The following ASNS variants were observed in gnomAD, a reference collection of about 807,000 sequenced individuals.
ASNS encodes asparagine synthetase (glutamine-hydrolyzing).
A neutral mutation model predicts 62.6 loss-of-function variants in ASNS; 37 were observed. The observed-to-expected ratio is 0.59, with a 90% CI of 0.45 to 0.78. The LOEUF is 0.78. Among genes scored for constraint, ASNS ranks in the 30% least tolerant of loss-of-function variants. The pLI is 0.00. For missense variants in ASNS, 520 were observed against 682.4 expected (o/e 0.76, Z 2.65); for synonymous variants, 207 against 237.9 (o/e 0.87, Z 1.19).
chr7:97,857,181 T>C (rs1198091632), intron 7 of ASNS, among the ~76,000 whole-genome samples: 1 of 152,152 alleles, frequency 6.6e-6, no homozygotes, highest in East Asian at 1.9e-4. Context: ...AATGCCTAAT[T>C]TTATATCCAG....
chr7:97,874,910 T>C (rs1352690267), upstream of ASNS, among the ~76,000 whole-genome samples: 11 of 152,396 alleles, frequency 7.2e-5, no homozygotes, highest in African/African-American at 2.6e-4. Flanking sequence ...TTTTGACAGT[T>C]CTATTTTCAA....
At chr7:97,903,973 G>A in the ASNS span, among the ~76,000 whole-genome samples, 3 of 152,078 alleles carry the variant, frequency 2.0e-5, no homozygotes, top group Non-Finnish European at 1.5e-5. Context: ...GGGGGGTTCT[G>A]CCACTAGGAT....
At chr7:97,890,959 A>G in the ASNS span, among the ~76,000 whole-genome samples, 318 of 152,352 alleles carry the variant, frequency 2.1e-3, no homozygotes, top group South Asian at 3.9e-3. Flanking sequence ...GGATTCAAAC[A>G]TCACCACTAA....
At chr7:97,858,994 C>G in intron 5 of ASNS, 39 bp from the exon 6 acceptor site, 1 of 1,561,106 alleles carries the variant, frequency 6.4e-7, no homozygotes, top group Admixed American at 1.9e-5. Flanking sequence ...TCCAGAAAAT[C>G]TTGGGCTGGA....
intron 1 of ASNS, chr7:97,870,248 G>A: frequency 1.3e-6 from 1 of 785,728 alleles, no homozygotes; most frequent in Non-Finnish European, 2.0e-6. Flanking sequence ...TGTACACAGA[G>A]GTCCAGATAC....
chr7:97,887,224 C>T, the ASNS span, among the ~76,000 whole-genome samples: 20 of 152,188 alleles, frequency 1.3e-4, no homozygotes, highest in African/African-American at 4.8e-4. Context: ...CGGCCGTGCA[C>T]AATTACATGC....
intron 3 of ASNS, among the ~76,000 whole-genome samples, chr7:97,865,536 T>C (rs1309737398): frequency 6.6e-6 from 1 of 152,242 alleles, no homozygotes; most frequent in African/African-American, 2.4e-5. Flanking sequence ...TGTTCTGTTA[T>C]GAATGCAGGT....
rs763708310 is a variant in ASNS at position 97,864,383 on chromosome 7, A to G, written c.363T>C (p.Phe121=). ...EQTICMLDGV[F]AFVLLDTANK... The stretch of plus-strand genomic sequence containing the variant: ...TGGCAGTATCCAGTAAAACAAATGC[A>G]AACACACCATCCAACATACAAATTG... Residue 121 remains phenylalanine (F), a synonymous_variant, in exon 4 of 13, where the codon TTT becomes TTC. Transcript: ENST00000394308. 6.2e-7 allele frequency: 1 copy of G among 1,613,994 alleles called. No individual in the cohort carries two copies. Among genetic ancestry groups the G allele is most frequent in the Non-Finnish European group, 8.5e-7 (1 of 1,179,934 alleles).
the ASNS span, among the ~76,000 whole-genome samples, chr7:97,902,085 G>C: frequency 6.6e-6 from 1 of 152,194 alleles, no homozygotes; most frequent in Non-Finnish European, 1.5e-5. Flanking sequence ...CAAGATTTCA[G>C]CAAAGTCCAT....
At chr7:97,861,183 G>A (rs569882582) in intron 4 of ASNS, among the ~76,000 whole-genome samples, 113 of 152,010 alleles carry the variant, frequency 7.4e-4, no homozygotes, top group African/African-American at 2.5e-3. Flanking sequence ...CACCACGCCC[G>A]GCTAATTTTT....
chr7:97,883,018 G>A, the ASNS span, among the ~76,000 whole-genome samples: 1 of 152,196 alleles, frequency 6.6e-6, no homozygotes, highest in Non-Finnish European at 1.5e-5. Flanking sequence ...TCAAATGGAA[G>A]CAAGCTGGGA....
chr7:97,919,971 C>T, the ASNS span, among the ~76,000 whole-genome samples: 43,267 of 151,754 alleles, frequency 0.29, 6,264 homozygotes, highest in East Asian at 0.42. Context: ...CTGGCTACTG[C>T]CCCACAGCTC....
At chr7:97,916,379 C>T in the ASNS span, among the ~76,000 whole-genome samples, 1 of 151,946 alleles carries the variant, frequency 6.6e-6, no homozygotes, top group Non-Finnish European at 1.5e-5. Flanking sequence ...GAAACTCCGT[C>T]TCAAAAAAGA....
At chr7:97,906,002 T>C in the ASNS span, among the ~76,000 whole-genome samples, 18 of 152,206 alleles carry the variant, frequency 1.2e-4, no homozygotes, top group Non-Finnish European at 1.9e-4. Flanking sequence ...TCCTCTTAGG[T>C]TGGTGCAAAA....
rs532710533 is a variant in ASNS, at chr7:97,852,293, G to A, written c.1652C>T (p.Thr551Met). The change falls in exon 13 of 13, where the codon ACG becomes ATG. Residue 551 changes from threonine (T) to methionine (M), a missense_variant. By Grantham distance (81) the Thr-to-Met change is moderately conservative. Coordinates refer to ENST00000394308, the MANE Select transcript of ASNS (RefSeq NM_001673.5). The part of the protein sequence containing the change: ...WINATDPSAR[T>M]LTHYKSAVKA ...GACAGCTGACTTGTAGTGGGTCAGC[G>A]TGCGGGCAGAAGGGTCAGTGGCATT... The A allele has an allele frequency of 2.8e-5, 45 of 1,614,086 alleles. No individual in the cohort carries two copies. The highest frequency in any genetic ancestry group is 1.1e-4 in the African/African-American group (8 of 75,030).
chr7:97,877,521 T>C (rs1159050355), upstream of ASNS, among the ~76,000 whole-genome samples: 1 of 152,214 alleles, frequency 6.6e-6, no homozygotes, highest in Non-Finnish European at 1.5e-5. Flanking sequence ...GGGTCTTCTA[T>C]TTAGGGTCAC....
chr7:97,881,377 C>A, the ASNS span, among the ~76,000 whole-genome samples: 1 of 151,080 alleles, frequency 6.6e-6, no homozygotes. Context: ...TTCATTAACA[C>A]CCCCCGCCCC....
the ASNS span, among the ~76,000 whole-genome samples, chr7:97,915,176 T>C: frequency 5.9e-5 from 9 of 152,340 alleles, no homozygotes; most frequent in South Asian, 1.9e-3. Flanking sequence ...TAGGCAAGCA[T>C]GGTCCTGACA....
the ASNS span, among the ~76,000 whole-genome samples, chr7:97,907,553 G>A: frequency 6.6e-6 from 1 of 152,116 alleles, no homozygotes; most frequent in Non-Finnish European, 1.5e-5. Context: ...TGGATCATGA[G>A]GTCAGGAGAT....
Sources: allele counts gnomAD v4.1 joint callset (sites outside exome capture counted in the v4.1 genomes callset), GRCh38; gene constraint gnomAD v4.1.1; transcripts MANE v1.5; gene names NCBI Gene and HGNC (gene_info 2026-07-23, HGNC 2026-07-21).